SH3GL3: variants seen among roughly 807,000 people sequenced by gnomAD.
SH3GL3 encodes SH3 domain containing GRB2 like 3, endophilin A3.
Under a neutral mutation model 47.7 loss-of-function variants are expected in SH3GL3, and 33 were observed. The ratio of observed to expected loss-of-function variants is 0.69; its 90% CI spans 0.52 to 0.92. The LOEUF is 0.92. Among genes scored for constraint, SH3GL3 ranks in the 40% least tolerant of loss-of-function variants. The pLI is 0.00. For missense variants in SH3GL3, 363 were observed against 417.8 expected, an observed-to-expected ratio of 0.87 and a Z score of 1.14; for synonymous variants, 155 against 148.8, an observed-to-expected ratio of 1.04 and a Z score of -0.30.
chr15:83,618,157 G>A lies in SH3GL3; in HGVS notation c.914G>A (p.Gly305Glu). 6.2e-7 allele frequency: 1 copy of A among 1,613,188 alleles called. No individual in the cohort carries two copies. Among genetic ancestry groups the A allele is most frequent in the Non-Finnish European group, 8.5e-7 (1 of 1,179,094 alleles). ...GAGCCAGAAAACCAAGGAGAATTAG[G>A]ATTTAAAGAAGGGGACATCATTACA... The part of the protein sequence containing the change: ...DFEPENQGEL[G>E]FKEGDIITLT... The change falls in exon 9 of 9, where the codon GGA becomes GAA. Residue 305 changes from glycine (G) to glutamate (E), a missense_variant. Physicochemically the swap from Gly to Glu is moderately conservative, Grantham distance 98. Transcript: ENST00000427482.
chr15:83,542,600 G>A (rs1432947779), intron 1 of SH3GL3, among the ~76,000 whole-genome samples: 2 of 151,538 alleles, frequency 1.3e-5, no homozygotes, highest in Non-Finnish European at 1.5e-5. Context: ...TCCAATCCAT[G>A]AACATGAACT....
chr15:83,505,356 G>T (rs998846974), intron 1 of SH3GL3, among the ~76,000 whole-genome samples: 1 of 151,914 alleles, frequency 6.6e-6, no homozygotes, highest in African/African-American at 2.4e-5. Context: ...GGACGTGAAA[G>T]TTCCCATTAT....
chr15:83,475,891 T>C (rs954675360), intron 1 of SH3GL3, among the ~76,000 whole-genome samples: 1 of 152,252 alleles, frequency 6.6e-6, no homozygotes, highest in Non-Finnish European at 1.5e-5. Flanking sequence ...CTTTGTCTTT[T>C]ATAAATAAAT....
rs1051041861 is a variant in SH3GL3 at position 83,475,296 on chromosome 15, A to G, written c.45+27718A>G. Among the ~76,000 whole-genome samples the G allele has an allele frequency of 4.6e-5, 7 of 152,024 alleles. No individual in the cohort carries two copies. In the East Asian group the frequency reaches 1.2e-3, roughly 25 times the overall value. On this transcript the variant is annotated intron_variant, in intron 1 of 8. Transcript: ENST00000427482. ...AGTTCGAGACCAGCTTCGCCAACAT[A>G]GTAAAACCCTGTCTCTACTAAAAAT...
At chr15:83,604,106 A>G (rs1208397250) in intron 8 of SH3GL3, among the ~76,000 whole-genome samples, 1 of 152,126 alleles carries the variant, frequency 6.6e-6, no homozygotes, top group Non-Finnish European at 1.5e-5. Context: ...AGATCGCACC[A>G]TTGCACTCCA....
chr15:83,595,521 A>T (rs2060214684), intron 8 of SH3GL3, among the ~76,000 whole-genome samples: 1 of 151,852 alleles, frequency 6.6e-6, no homozygotes, highest in Non-Finnish European at 1.5e-5. Context: ...AAAAAAAAAA[A>T]AGAATATGCC....
chr15:83,611,038 C>CTA (rs368559406), intron 8 of SH3GL3, among the ~76,000 whole-genome samples: 45 of 148,154 alleles, frequency 3.0e-4, no homozygotes, highest in Non-Finnish European at 2.7e-4. Flanking sequence ...GTGTGTGTGT[C>CTA]TATATATATA....
chr15:83,618,188 C>A lies in SH3GL3; in HGVS notation c.945C>A (p.Thr315=). Residue 315 remains threonine, a synonymous_variant, in exon 9 of 9, where the codon ACC becomes ACA. Transcript: ENST00000427482. ...AAGAAGGGGACATCATTACATTAAC[C>A]AATCAAATAGATGAAAACTGGTATG... ...GFKEGDIITL[T]NQIDENWYEG... 6.2e-7 allele frequency: 1 copy of A among 1,608,456 alleles called. No homozygotes were observed. Among genetic ancestry groups the A allele is most frequent in the Non-Finnish European group, 8.5e-7 (1 of 1,174,760 alleles).
At chr15:83,567,299 T>C (rs2045595431) in intron 3 of SH3GL3, among the ~76,000 whole-genome samples, 1 of 152,298 alleles carries the variant, frequency 6.6e-6, no homozygotes, top group Non-Finnish European at 1.5e-5. Context: ...TTCTTCAGCA[T>C]ATTGCCGCCT....
At chr15:83,630,937 T>A in the SH3GL3 span, among the ~76,000 whole-genome samples, 1 of 152,102 alleles carries the variant, frequency 6.6e-6, no homozygotes, top group Non-Finnish European at 1.5e-5. Context: ...CAAAGTCTCA[T>A]CTGAGACAAG....
intron 8 of SH3GL3, among the ~76,000 whole-genome samples, chr15:83,594,878 T>G (rs2060199336): frequency 6.6e-6 from 1 of 152,200 alleles, no homozygotes; most frequent in South Asian, 2.1e-4. Flanking sequence ...TGCAGAGTAA[T>G]GAGACAGCTT....
At chr15:83,486,659 GT>G (rs2041610787) in intron 1 of SH3GL3, among the ~76,000 whole-genome samples, 1 of 152,174 alleles carries the variant, frequency 6.6e-6, no homozygotes, top group Admixed American at 6.5e-5. Flanking sequence ...GGACATTTGG[GT>G]TTTTCTCCCT....
At chr15:83,612,099 G>C (rs1169194257) in intron 8 of SH3GL3, among the ~76,000 whole-genome samples, 3 of 151,738 alleles carry the variant, frequency 2.0e-5, no homozygotes, top group Middle Eastern at 6.9e-3. Context: ...AGGTAGCTCA[G>C]TCTCTTCCAA....
intron 1 of SH3GL3, among the ~76,000 whole-genome samples, chr15:83,557,225 A>G (rs557490767): frequency 6.6e-6 from 1 of 152,342 alleles, no homozygotes; most frequent in Non-Finnish European, 1.5e-5. Context: ...TTAGATCCTC[A>G]GGCTATTACC....
chr15:83,627,162 C>G, the SH3GL3 span, among the ~76,000 whole-genome samples: 7 of 152,218 alleles, frequency 4.6e-5, no homozygotes, highest in South Asian at 1.5e-3. Context: ...CTTTGGGAGG[C>G]CGAGGCGGGC....
the SH3GL3 span, among the ~76,000 whole-genome samples, chr15:83,627,289 G>C: frequency 1.3e-5 from 2 of 151,780 alleles, no homozygotes; most frequent in Non-Finnish European, 2.9e-5. Flanking sequence ...CCAAGCTACT[G>C]GGGAGGCTGA....
chr15:83,531,894 CAT>C (rs370991359), intron 1 of SH3GL3, among the ~76,000 whole-genome samples: 23 of 151,962 alleles, frequency 1.5e-4, no homozygotes, highest in Non-Finnish European at 2.5e-4. Context: ...AGATGGAAGA[CAT>C]ATATGTTAGG....
intron 1 of SH3GL3, among the ~76,000 whole-genome samples, chr15:83,450,291 C>T (rs1452595829): frequency 6.6e-6 from 1 of 152,086 alleles, no homozygotes; most frequent in Non-Finnish European, 1.5e-5. Flanking sequence ...TAAAGTGATA[C>T]GAATATGTCT....
intron 1 of SH3GL3, among the ~76,000 whole-genome samples, chr15:83,532,166 T>A (rs1395686783): frequency 6.6e-6 from 1 of 152,164 alleles, no homozygotes; most frequent in Admixed American, 6.5e-5. Flanking sequence ...ATAAGTAGAA[T>A]GATGAGTTTG....
Sources: gnomAD v4.1 joint callset for allele counts (sites outside exome capture counted in the v4.1 genomes callset) on GRCh38, gnomAD v4.1.1 for gene constraint, MANE v1.5 for transcripts, NCBI Gene and HGNC (gene_info 2026-07-23, HGNC 2026-07-21) for gene names.